Variants in PGAP4 observed in about 807,000 individuals in gnomAD.
PGAP4 encodes GPI-N-acetylgalactosamine transferase PGAP4.
In PGAP4, 12 loss-of-function variants were observed where a neutral mutation model predicts 28.2. The ratio of observed to expected loss-of-function variants is 0.42; its 90% CI spans 0.27 to 0.69. PGAP4 has a LOEUF of 0.69. Ranked by LOEUF, PGAP4 falls within the 30% of genes least tolerant of loss-of-function variation. PGAP4 has a pLI of 0.22. For synonymous variants in PGAP4, 205 were observed against 211.8 expected (o/e 0.97, Z 0.28); for missense variants, 425 against 513.5 (o/e 0.83, Z 1.67).
In PGAP4 at chr9:101,498,254, A is replaced by G. The variant is rs117241912; in HGVS notation, c.-164-9054T>C. On this transcript the variant is annotated intron_variant, in intron 2 of 3. Coordinates refer to the PGAP4 transcript ENST00000374851. Reference sequence around the variant, plus strand: ...AATTAGTAACAATTTTACAATTACTAAAGCAAATTAGTAAAACAAGTCTTT... The same window carrying G: ...AATTAGTAACAATTTTACAATTACTGAAGCAAATTAGTAAAACAAGTCTTT... 2.5e-3 allele frequency among the ~76,000 whole-genome samples: 375 copies of G among 152,052 alleles called. 1 individual carries two copies. Among genetic ancestry groups the G allele is most frequent in the Non-Finnish European group, 3.4e-3 (230 of 67,892 alleles).
intron 2 of PGAP4, among the ~76,000 whole-genome samples, chr9:101,527,794 T>C (rs1044912443): frequency 1.3e-5 from 2 of 152,232 alleles, no homozygotes; most frequent in African/African-American, 4.8e-5. Flanking sequence ...GTTAACAACA[T>C]TTATTTAATG....
At chr9:101,497,878 AATTT>A (rs1826764937) in intron 2 of PGAP4, among the ~76,000 whole-genome samples, 1 of 151,752 alleles carries the variant, frequency 6.6e-6, no homozygotes, top group African/African-American at 2.4e-5. Context: ...CATATGTATA[AATTT>A]ATTTAAACAC....
intron 2 of PGAP4, among the ~76,000 whole-genome samples, chr9:101,522,271 A>C (rs2118629515): frequency 6.6e-6 from 1 of 152,080 alleles, no homozygotes; most frequent in African/African-American, 2.4e-5. Flanking sequence ...TTCTTTGTTG[A>C]CTTTCTGTCT....
At chr9:101,528,364 C>A (rs1230778415) in intron 2 of PGAP4, among the ~76,000 whole-genome samples, 1 of 152,118 alleles carries the variant, frequency 6.6e-6, no homozygotes, top group Non-Finnish European at 1.5e-5. Context: ...GCTTGCCTAC[C>A]AAGGCCATGA....
intron 2 of PGAP4, among the ~76,000 whole-genome samples, chr9:101,505,518 G>A (rs539700916): frequency 6.6e-6 from 1 of 151,876 alleles, no homozygotes; most frequent in Non-Finnish European, 1.5e-5. Context: ...CTTTTCTTGG[G>A]TATTTCCAGC....
At position 101,474,334 on chromosome 9, in the gene PGAP4, A is replaced by G. The variant is rs1826236460; in HGVS notation, c.*1547T>C. The G allele has an allele frequency of 6.6e-6, 1 of 152,292 alleles. No homozygotes were observed. Among genetic ancestry groups the G allele is most frequent in the African/African-American group, 2.4e-5 (1 of 41,468 alleles). The allele number at this position is 152,292 out of a possible 1,614,324, so 9.4% of individuals were successfully genotyped here. Reference sequence around the variant, plus strand: ...TGGGAATTTAAAAGCAAACTGTGGCATCGAAACAAACTGGACAATTGCTTG... The same window carrying G: ...TGGGAATTTAAAAGCAAACTGTGGCGTCGAAACAAACTGGACAATTGCTTG... On this transcript the variant is annotated 3_prime_UTR_variant, in exon 2 of 2. Coordinates refer to ENST00000374848, the MANE Select transcript of PGAP4 (RefSeq NM_032342.3).
chr9:101,499,646 T>G (rs1166915003), intron 2 of PGAP4, among the ~76,000 whole-genome samples: 1 of 152,108 alleles, frequency 6.6e-6, no homozygotes, highest in Non-Finnish European at 1.5e-5. Flanking sequence ...AAATATCTTT[T>G]GCATAAGGTT....
chr9:101,478,681 A>G (rs568448431), intron 1 of PGAP4, among the ~76,000 whole-genome samples: 1 of 152,208 alleles, frequency 6.6e-6, no homozygotes, highest in Non-Finnish European at 1.5e-5. Flanking sequence ...TGCCAGCTGA[A>G]TGGAGAGCCC....
intron 2 of PGAP4, among the ~76,000 whole-genome samples, chr9:101,527,344 T>G (rs1827044180): frequency 6.6e-6 from 1 of 152,222 alleles, no homozygotes; most frequent in Non-Finnish European, 1.5e-5. Flanking sequence ...ATACTACTGC[T>G]GTAAGACCTC....
At chr9:101,491,442 A>T (rs1203637432), upstream of PGAP4, among the ~76,000 whole-genome samples, 1 of 152,146 alleles carries the variant, frequency 6.6e-6, no homozygotes, top group African/African-American at 2.4e-5. Flanking sequence ...CATTATTGAA[A>T]TTGATCAGTA....
rs1272012180 is a variant in PGAP4 at position 101,507,327 on chromosome 9, T to C, written c.-164-18127A>G. 2.6e-5 allele frequency among the ~76,000 whole-genome samples: 4 copies of C among 152,106 alleles called. No individual in the cohort carries two copies. The South Asian group carries it at 6.2e-4, about 24-fold the overall frequency. On this transcript the variant is annotated intron_variant, in intron 2 of 3. Coordinates refer to the PGAP4 transcript ENST00000374851. The stretch of plus-strand genomic sequence containing the variant: ...GGTTTCCCAAGACAAATTATAGTTA[T>C]CATCAGATACTGTTCACTATTTGGG...
Position 101,473,217 on chromosome 9 carries a change from T to C in PGAP4, c.*2664A>G, listed in dbSNP as rs936773119. The C allele has an allele frequency of 2.4e-4, 36 of 152,314 alleles. No homozygotes were observed. Among genetic ancestry groups the C allele is most frequent in the African/African-American group, 8.4e-4 (35 of 41,568 alleles). 9.4% of individuals were successfully genotyped at this position (152,314 alleles called of 1,614,324 possible). On this transcript the variant is annotated 3_prime_UTR_variant, in exon 2 of 2. Transcript: ENST00000374848. ...TATTTTCACAGACATGTCTATGCAA[T>C]ACACTCAGTCACAAGAGAGAGCTTC...
At chr9:101,488,180 C>T (rs753504904), upstream of PGAP4, among the ~76,000 whole-genome samples, 4 of 152,148 alleles carry the variant, frequency 2.6e-5, no homozygotes, top group Non-Finnish European at 4.4e-5. Flanking sequence ...ATACTGCCAT[C>T]ACTATAGATG....
chr9:101,492,037 T>C (rs996811008), upstream of PGAP4, among the ~76,000 whole-genome samples: 4 of 151,846 alleles, frequency 2.6e-5, no homozygotes, highest in South Asian at 8.3e-4. Context: ...TTTTTTCAGT[T>C]CTATCAATTA....
intron 1 of PGAP4, among the ~76,000 whole-genome samples, chr9:101,478,961 T>A (rs552318063): frequency 6.6e-6 from 1 of 152,210 alleles, no homozygotes; most frequent in African/African-American, 2.4e-5. Context: ...GTGACATGGT[T>A]AATTTCTCAA....
chr9:101,519,525 T>C (rs1049649921), intron 2 of PGAP4, among the ~76,000 whole-genome samples: 4 of 152,142 alleles, frequency 2.6e-5, no homozygotes, highest in Non-Finnish European at 5.9e-5. Context: ...TTGTCAGAAG[T>C]ACAGATTGTG....
rs567715001 is a variant in PGAP4 at position 101,522,721 on chromosome 9, T to C, written c.-165+8627A>G. ...CATTACTTACATTCAATGTTAGTAT[T>C]GAAATGTGAGGTACTGTTGCATTTA... On this transcript the variant is annotated intron_variant, in intron 2 of 3. Transcript: ENST00000374851. Among the ~76,000 whole-genome samples the C allele has an allele frequency of 2.6e-5, 4 of 152,342 alleles. No homozygotes were observed. The South Asian group carries it at 8.3e-4, about 32-fold the overall frequency.
At chr9:101,503,086 C>T (rs1826817196) in intron 2 of PGAP4, among the ~76,000 whole-genome samples, 1 of 152,072 alleles carries the variant, frequency 6.6e-6, no homozygotes, top group Non-Finnish European at 1.5e-5. Context: ...ATTTCTCTCT[C>T]ACTTCTCAGG....
intron 2 of PGAP4, among the ~76,000 whole-genome samples, chr9:101,498,370 G>A (rs1162521361): frequency 2.6e-5 from 4 of 151,662 alleles, no homozygotes; most frequent in Admixed American, 6.6e-5. Context: ...TGAATTAAAT[G>A]TTTTATTATT....
Sources: gnomAD v4.1 joint callset for allele counts (sites outside exome capture counted in the v4.1 genomes callset) on GRCh38, gnomAD v4.1.1 for gene constraint, MANE v1.5 for transcripts, NCBI Gene and HGNC (gene_info 2026-07-23, HGNC 2026-07-21) for gene names.